Variants in SNX29 observed in about 807,000 individuals in gnomAD.
The protein encoded by SNX29 is sorting nexin 29.
Under a neutral mutation model 102.1 loss-of-function variants are expected in SNX29, and 78 were observed. The ratio of observed to expected loss-of-function variants is 0.76; its 90% confidence interval spans 0.64 to 0.92. The LOEUF is 0.92. SNX29 is among the 40% of genes least tolerant of loss of function. SNX29 has a pLI of 0.00. For synonymous variants in SNX29, 580 were observed against 414.5 expected (o/e 1.40, Z -4.85); for missense variants, 1,280 against 1,061.7 (o/e 1.21, Z -2.86).
At chr16:12,534,529 G>A (rs2077018169) in intron 20 of SNX29, among the ~76,000 whole-genome samples, 1 of 152,214 alleles carries the variant, frequency 6.6e-6, no homozygotes, top group Admixed American at 6.5e-5. Context: ...GGTCTTTGGA[G>A]GGCAGTTGTG....
chr16:12,250,969 C>T (rs964251034), intron 14 of SNX29, among the ~76,000 whole-genome samples: 4 of 152,260 alleles, frequency 2.6e-5, no homozygotes, highest in Non-Finnish European at 5.9e-5. Flanking sequence ...GCGAAATAGA[C>T]AGCTGCTGGC....
chr16:12,472,232 A>AG (rs35630195), intron 18 of SNX29, among the ~76,000 whole-genome samples: 74,469 of 151,870 alleles, frequency 0.49, 18,628 homozygotes, highest in East Asian at 0.64. Flanking sequence ...GTTCAAAAAC[A>AG]GGGGAAGGCT....
At chr16:12,524,505 T>C (rs957050814) in intron 19 of SNX29, among the ~76,000 whole-genome samples, 197 bp from the exon 20 acceptor site, 1 of 150,884 alleles carries the variant, frequency 6.6e-6, no homozygotes, top group South Asian at 2.1e-4. Context: ...CTCCACTTAA[T>C]AATAATATCG....
rs563040180 is a variant in SNX29, at chr16:12,465,614, G to A, written c.2038-12105G>A. Among the ~76,000 whole-genome samples, 23 of 152,248 alleles carry A rather than the reference G, an allele frequency of 1.5e-4. No homozygotes were observed. The South Asian group carries it at 3.5e-3, about 23-fold the overall frequency. On this transcript the variant is annotated intron_variant, in intron 18 of 20. Coordinates refer to ENST00000566228, the MANE Select transcript of SNX29 (RefSeq NM_032167.5). ...AGCAAACGATTACTGTCGTTTTGTA[G>A]TATAGTTTGAAATCAGGGACTGTGA...
intron 18 of SNX29, among the ~76,000 whole-genome samples, chr16:12,439,752 T>A (rs8052808): frequency 0.4 from 60,667 of 152,140 alleles, 12,171 homozygotes; most frequent in South Asian, 0.48. Context: ...ACTAGCCATG[T>A]GACCTTGGTA....
chr16:12,362,025 G>A (rs1188879075), intron 16 of SNX29, among the ~76,000 whole-genome samples: 1 of 152,128 alleles, frequency 6.6e-6, no homozygotes, highest in African/African-American at 2.4e-5. Context: ...TGTTAATAAC[G>A]AGTAGCCTGC....
chr16:12,019,583 T>TAC (rs2056955296), intron 3 of SNX29, among the ~76,000 whole-genome samples: 1 of 139,944 alleles, frequency 7.1e-6, no homozygotes, highest in Non-Finnish European at 1.6e-5. Context: ...TATATGTAAA[T>TAC]ATATATATAT....
chr16:12,177,974 G>A (rs1352596895), intron 13 of SNX29, among the ~76,000 whole-genome samples: 1 of 152,224 alleles, frequency 6.6e-6, no homozygotes, highest in Non-Finnish European at 1.5e-5. Context: ...CAGCTGTTGT[G>A]CAGAGATGGT....
At chr16:12,424,525 T>A (rs1298909860) in intron 18 of SNX29, among the ~76,000 whole-genome samples, 1 of 152,190 alleles carries the variant, frequency 6.6e-6, no homozygotes, top group Non-Finnish European at 1.5e-5. Flanking sequence ...AGACTGCTGG[T>A]ACCTGCAAAT....
chr16:12,272,740 C>G (rs1423048776), intron 14 of SNX29, among the ~76,000 whole-genome samples: 1 of 152,238 alleles, frequency 6.6e-6, no homozygotes, highest in Non-Finnish European at 1.5e-5. Context: ...CTGTCACTGT[C>G]TCCCACTTGC....
rs557116707 is a variant in SNX29 at position 12,501,064 on chromosome 16, G to A, written c.2178+23205G>A. On this transcript the variant is annotated intron_variant, in intron 19 of 20. Coordinates refer to ENST00000566228, the MANE Select transcript of SNX29 (RefSeq NM_032167.5). ...CAGGAAGCTCCCAGCTGCAGGCAAG[G>A]CTCCAGGCTCTCACCGCTTCTGCCT... Among the ~76,000 whole-genome samples, 7 of 152,094 alleles carry A rather than the reference G, an allele frequency of 4.6e-5. No homozygotes were observed. In the South Asian group the frequency reaches 1.5e-3, roughly 32 times the overall value.
intron 14 of SNX29, among the ~76,000 whole-genome samples, chr16:12,271,507 CTG>C (rs2079091441): frequency 1.3e-5 from 2 of 152,116 alleles, no homozygotes; most frequent in African/African-American, 4.8e-5. Context: ...TAAACATAGT[CTG>C]TTTATTGGAG....
At chr16:12,049,584 T>C (rs2050223083) in intron 7 of SNX29, among the ~76,000 whole-genome samples, 2 of 152,106 alleles carry the variant, frequency 1.3e-5, no homozygotes, top group African/African-American at 2.4e-5. Context: ...CTGCCCGCCC[T>C]GGCCTCTCAA....
At chr16:11,992,176 C>T (rs1471013850) in intron 1 of SNX29, among the ~76,000 whole-genome samples, 1 of 152,010 alleles carries the variant, frequency 6.6e-6, no homozygotes, top group Non-Finnish European at 1.5e-5. Context: ...TGCCTGTAGT[C>T]CCAGCTACTT....
At chr16:12,296,029 C>T (rs1371356630) in intron 15 of SNX29, among the ~76,000 whole-genome samples, 1 of 152,108 alleles carries the variant, frequency 6.6e-6, no homozygotes, top group Non-Finnish European at 1.5e-5. Context: ...AATCATTTTC[C>T]CTTTGTGAAG....
chr16:12,403,391 T>G, intron 17 of SNX29, 57 bp from the exon 18 acceptor site: 1 of 1,505,192 alleles, frequency 6.6e-7, no homozygotes, highest in Non-Finnish European at 9.0e-7. Context: ...TTTTATTTTT[T>G]ATTTTTTTGT....
intron 1 of SNX29, among the ~76,000 whole-genome samples, chr16:11,994,495 G>A (rs975138124): frequency 5.3e-5 from 8 of 152,184 alleles, no homozygotes; most frequent in African/African-American, 1.9e-4. Context: ...GGGCTTAGCA[G>A]CTGGCAGCTC....
At chr16:12,211,928 G>A (rs1381866309) in intron 14 of SNX29, among the ~76,000 whole-genome samples, 1 of 152,138 alleles carries the variant, frequency 6.6e-6, no homozygotes, top group Non-Finnish European at 1.5e-5. Context: ...TCTGGGTACT[G>A]TGACCTAGCC....
chr16:12,244,331 A>C (rs1212136097), intron 14 of SNX29, among the ~76,000 whole-genome samples: 1 of 152,216 alleles, frequency 6.6e-6, no homozygotes. Context: ...CATACAAGCC[A>C]GGCACGATGG....
Sources: gnomAD v4.1 joint callset for allele counts (sites outside exome capture counted in the v4.1 genomes callset) on GRCh38, gnomAD v4.1.1 for gene constraint, MANE v1.5 for transcripts, NCBI Gene and HGNC (gene_info 2026-07-23, HGNC 2026-07-21) for gene names.